The following YLPM1 variants were observed in gnomAD, a reference collection of about 807,000 sequenced individuals.
YLPM1 encodes the protein YLP motif containing 1, also known as YLP motif-containing protein 1.
In YLPM1, 99 loss-of-function variants were observed where a neutral mutation model predicts 230.0. That is an observed-to-expected ratio of 0.43 (90% CI 0.37 to 0.51). YLPM1 has a LOEUF of 0.51. Ranked by LOEUF, YLPM1 falls within the 20% of genes least tolerant of loss-of-function variation. The pLI, the probability that YLPM1 is intolerant of heterozygous loss-of-function variation, is 0.00. For missense variants in YLPM1, 2,592 were observed against 2,707.7 expected (o/e 0.96, Z 0.95); for synonymous variants, 984 against 942.5 (o/e 1.04, Z -0.81).
At chr14:74,816,498 A>T in intron 12 of YLPM1, 73 bp from the exon 13 acceptor site, 1 of 1,518,578 alleles carries the variant, frequency 6.6e-7, no homozygotes, top group South Asian at 1.3e-5. Flanking sequence ...TTTAGCCACA[A>T]GAGGGAACTT....
At chr14:74,773,019 G>A (rs1183752463) in intron 1 of YLPM1, among the ~76,000 whole-genome samples, 1 of 151,896 alleles carries the variant, frequency 6.6e-6, no homozygotes, top group Non-Finnish European at 1.5e-5. Flanking sequence ...CGGGCACGGT[G>A]GCTCACGCCT....
rs2091554494 is a variant in YLPM1 at position 74,825,480 on chromosome 14, TA to T, written c.6163+1175del. ...GTAGTCTTCCCTCTGTGGGAAATCT[TA>T]ATAATAACCAATTGTCATCTTCCAG... On this transcript the variant is annotated intron_variant, in intron 18 of 20. Coordinates refer to ENST00000325680, the MANE Select transcript of YLPM1 (RefSeq NM_019589.3). 2.0e-5 allele frequency among the ~76,000 whole-genome samples: 3 copies of T among 152,172 alleles called. 1 individual carries two copies. The South Asian group carries it at 6.2e-4, about 32-fold the overall frequency.
In YLPM1 at chr14:74,799,560, C is replaced by A; in HGVS notation, c.4263C>A (p.Pro1421=). The change falls in exon 5 of 21, where the codon CCC becomes CCA. Residue 1421 remains proline (P), a synonymous_variant. Transcript: ENST00000325680. ...DRHSPMAEHM[P]SSHHSSEMMG... is the part of the protein sequence containing the mutation. ...ATTCCCCCATGGCGGAACATATGCC[C>A]TCCTCACATCATTCCTCAGAAATGA... The A allele has an allele frequency of 6.2e-7, 1 of 1,613,962 alleles. No individual in the cohort carries two copies. Among genetic ancestry groups the A allele is most frequent in the Non-Finnish European group, 8.5e-7 (1 of 1,179,896 alleles).
At chr14:74,818,681 T>C (rs868085509) in intron 16 of YLPM1, among the ~76,000 whole-genome samples, 2 of 152,342 alleles carry the variant, frequency 1.3e-5, no homozygotes, top group Middle Eastern at 3.4e-3. Flanking sequence ...AAATACTATA[T>C]TAAGTAATAT....
chr14:74,816,637 G>C lies in YLPM1; in HGVS notation c.5632G>C (p.Glu1878Gln). 1 of 1,613,680 alleles carries C rather than the reference G, an allele frequency of 6.2e-7. No homozygotes were observed. The highest frequency in any genetic ancestry group is 8.5e-7 in the Non-Finnish European group (1 of 1,179,740). The change falls in exon 13 of 21, where the codon GAA becomes CAA. Residue 1878 changes from glutamate (E) to glutamine (Q), a missense_variant. Coordinates refer to ENST00000325680, the MANE Select transcript of YLPM1 (RefSeq NM_019589.3). ...VLSLDDYFIT[E>Q]VEKEEKDPDS... ...AAGCCTGGATGATTACTTCATCACT[G>C]AAGTGGAAAAAGAAGAAAAAGATCC...
In YLPM1 at chr14:74,834,322, G is replaced by C. The variant is rs141858721; in HGVS notation, c.6295-943G>C. Among the ~76,000 whole-genome samples, 624 of 152,196 alleles carry C rather than the reference G, an allele frequency of 4.1e-3. 2 individuals are homozygous for C. The highest frequency in any genetic ancestry group is 0.01 in the Middle Eastern group (3 of 294). On this transcript the variant is annotated intron_variant, in intron 19 of 20. Transcript: ENST00000325680. ...TGTAATCTTGCCATGAATTATATCA[G>C]TTGAGTCTGTTTCTTGGTCTCTTTA... is the stretch of plus-strand genomic sequence containing the variant.
rs1433956656 is a variant in YLPM1, at chr14:74,835,054, G to A, written c.6295-211G>A. The A allele has an allele frequency of 2.5e-4, 134 of 545,542 alleles. 4 individuals carry two copies. In the East Asian group the frequency reaches 4.1e-3, roughly 17 times the overall value. The allele number at this position is 545,542 out of a possible 1,614,324, so 33.8% of individuals were successfully genotyped here. The stretch of plus-strand genomic sequence containing the variant: ...CAGGATTGAGCTGAACTGTTCAGGA[G>A]CTGGAATGGTTAGGACTTGGATTGT... On this transcript the variant is annotated intron_variant, in intron 19 of 20. Coordinates refer to ENST00000325680, the MANE Select transcript of YLPM1 (RefSeq NM_019589.3).
chr14:74,781,681 G>A lies in YLPM1; in HGVS notation c.1638G>A (p.Val546=). 6.2e-7 allele frequency: 1 copy of A among 1,605,594 alleles called. No individual in the cohort carries two copies. The highest frequency in any genetic ancestry group is 8.5e-7 in the Non-Finnish European group (1 of 1,177,498). Reference sequence around the variant, plus strand: ...TGCCTCCTTCATTGCCACCACCAGTGATGCCCCCTGCCCTCCCTGCTACAG... The same window carrying A: ...TGCCTCCTTCATTGCCACCACCAGTAATGCCCCCTGCCCTCCCTGCTACAG... ...PVLPPSLPPP[V]MPPALPATVP... Residue 546 remains valine (V), a synonymous_variant, in exon 4 of 21, where the codon GTG becomes GTA. Coordinates refer to ENST00000325680, the MANE Select transcript of YLPM1 (RefSeq NM_019589.3).
Position 74,770,654 on chromosome 14 carries a change from TAACC to T in YLPM1, c.873+6294_873+6297del, listed in dbSNP as rs1220666786. Among the ~76,000 whole-genome samples the T allele has an allele frequency of 6.6e-5, 10 of 151,930 alleles. 1 individual carries two copies. The highest frequency in any genetic ancestry group is 4.1e-4 in the South Asian group (2 of 4,822). ...AAAAAAAAAGAAAAAGAGTAGAAAT[TAACC>T]AGAAGTTAGAATTCAAAGAATTAAG... On this transcript the variant is annotated intron_variant, in intron 1 of 20. Transcript: ENST00000325680.
At chr14:74,835,732 G>T in intron 20 of YLPM1, 43 bp from the exon 21 acceptor site, 2 of 416,838 alleles carry the variant, frequency 4.8e-6, no homozygotes, top group African/African-American at 2.1e-5. Flanking sequence ...TGAACTTTTT[G>T]CCTGTTCTTT....
intron 1 of YLPM1, among the ~76,000 whole-genome samples, chr14:74,772,612 C>T (rs1181853078): frequency 6.6e-6 from 1 of 152,266 alleles, no homozygotes; most frequent in East Asian, 1.9e-4. Flanking sequence ...CCGCCTTGGC[C>T]TCCCAAAGTG....
intron 4 of YLPM1, among the ~76,000 whole-genome samples, chr14:74,795,361 A>G (rs2091249500): frequency 6.6e-6 from 1 of 152,242 alleles, no homozygotes; most frequent in Non-Finnish European, 1.5e-5. Flanking sequence ...TCACAGGGAT[A>G]GGAAATAAAT....
chr14:74,790,013 A>G (rs2091190996), intron 4 of YLPM1, among the ~76,000 whole-genome samples: 1 of 151,916 alleles, frequency 6.6e-6, no homozygotes, highest in African/African-American at 2.4e-5. Flanking sequence ...CCCCTGTTCT[A>G]GATTGTCTTG....
chr14:74,793,150 T>C (rs1033430034), intron 4 of YLPM1, among the ~76,000 whole-genome samples: 2 of 152,204 alleles, frequency 1.3e-5, no homozygotes, highest in Non-Finnish European at 2.9e-5. Context: ...TTTTGTTTGC[T>C]TATTTAGTTT....
rs1413302842 is a variant in YLPM1, at chr14:74,816,998, A to G, written c.5753A>G (p.Lys1918Arg). The G allele has an allele frequency of 5.0e-6, 8 of 1,610,270 alleles. No homozygotes were observed. Among genetic ancestry groups the G allele is most frequent in the Non-Finnish European group, 5.9e-6 (7 of 1,178,802 alleles). The change falls in exon 14 of 21, where the codon AAA (lysine) becomes AGA (arginine). Residue 1918 changes from lysine to arginine, a missense_variant. Transcript: ENST00000325680. ...CGCACCAGCATGTTCAAAACTTTCA[A>G]AAAGACTCTGGATGATGGCTTTTTT... ...TYRTSMFKTF[K>R]KTLDDGFFPF...
intron 4 of YLPM1, among the ~76,000 whole-genome samples, chr14:74,794,837 G>A (rs2091244045): frequency 6.6e-6 from 1 of 151,982 alleles, no homozygotes; most frequent in African/African-American, 2.4e-5. Flanking sequence ...TGTAACTATT[G>A]TAGTCCATAT....
At chr14:74,793,613 T>G (rs1361049706) in intron 4 of YLPM1, among the ~76,000 whole-genome samples, 1 of 152,218 alleles carries the variant, frequency 6.6e-6, no homozygotes, top group Non-Finnish European at 1.5e-5. Context: ...TTCTTTCATT[T>G]TGGACGTGTT....
intron 4 of YLPM1, among the ~76,000 whole-genome samples, chr14:74,795,260 C>T (rs2091248686): frequency 6.6e-6 from 1 of 152,216 alleles, no homozygotes; most frequent in Admixed American, 6.5e-5. Context: ...GTTGGGGTCT[C>T]AACTTCAGGT....
chr14:74,816,125 G>T, intron 11 of YLPM1, 78 bp from the exon 12 acceptor site: 1 of 1,322,168 alleles, frequency 7.6e-7, no homozygotes, highest in Non-Finnish European at 1.1e-6. Flanking sequence ...AAAATGGTAG[G>T]TCATTGTTAA....
Sources: allele counts gnomAD v4.1 joint callset (sites outside exome capture counted in the v4.1 genomes callset), GRCh38; gene constraint gnomAD v4.1.1; transcripts MANE v1.5; gene names NCBI Gene and HGNC (gene_info 2026-07-23, HGNC 2026-07-21).